Variants in MTMR7 observed in about 807,000 individuals in gnomAD.
MTMR7 encodes the protein myotubularin related protein 7.
MTMR7 carries 76 observed loss-of-function variants against 81.2 expected under a neutral mutation model. The observed-to-expected ratio is 0.94, with a 90% CI of 0.78 to 1.13. The LOEUF is 1.13. Among genes scored for constraint, MTMR7 ranks in the 50% most tolerant of loss-of-function variants. MTMR7 has a pLI of 0.00. For synonymous variants in MTMR7, 372 were observed against 289.8 expected, an observed-to-expected ratio of 1.28 and a Z score of -2.88; for missense variants, 1,044 against 820.0, an observed-to-expected ratio of 1.27 and a Z score of -3.34.
At position 17,343,848 on chromosome 8, in the gene MTMR7, C is replaced by T. The variant is rs1819475475; in HGVS notation, c.598-2351G>A. 3.9e-5 allele frequency among the ~76,000 whole-genome samples: 6 copies of T among 152,294 alleles called. 1 individual carries two copies. In the South Asian group the frequency reaches 1.2e-3, roughly 32 times the overall value. On this transcript the variant is annotated intron_variant, in intron 5 of 13. Coordinates refer to ENST00000180173, the MANE Select transcript of MTMR7 (RefSeq NM_004686.5). Reference sequence around the variant, plus strand: ...TTGTGTGCAGAACAGTAAGTAGTCTCAGTGCTTTTGTGCACCTATACATGC... The same window carrying T: ...TTGTGTGCAGAACAGTAAGTAGTCTTAGTGCTTTTGTGCACCTATACATGC...
In MTMR7 at chr8:17,355,609, G is replaced by T. The variant is rs565023342; in HGVS notation, c.468+5508C>A. Among the ~76,000 whole-genome samples, 4 of 151,800 alleles carry T rather than the reference G, an allele frequency of 2.6e-5. No individual in the cohort carries two copies. The East Asian group carries it at 7.7e-4, about 29-fold the overall frequency. ...ACAGTATGCTAAAAGACAAAACATG[G>T]TAAGAAAGATTGACAACTCAAAACT... On this transcript the variant is annotated intron_variant, in intron 4 of 13. Transcript: ENST00000180173.
chr8:17,333,133 A>T (rs1389084937), intron 6 of MTMR7, among the ~76,000 whole-genome samples: 1 of 152,188 alleles, frequency 6.6e-6, no homozygotes, highest in Non-Finnish European at 1.5e-5. Flanking sequence ...GGCTTATGTG[A>T]CATCAGCTGG....
chr8:17,341,221 G>A (rs2285285), intron 6 of MTMR7, 142 bp downstream of exon 6: 95,910 of 1,033,148 alleles, frequency 0.093, 4,747 homozygotes, highest in African/African-American at 0.12. Flanking sequence ...CCAGCAGGGT[G>A]CCCAGACACT....
intron 1 of MTMR7, among the ~76,000 whole-genome samples, chr8:17,376,284 G>C (rs1820584236): frequency 6.6e-6 from 1 of 152,040 alleles, no homozygotes; most frequent in Admixed American, 6.6e-5. Flanking sequence ...ACTTTTTGTT[G>C]CCCCATGATA....
chr8:17,322,051 G>T (rs1428804336), intron 7 of MTMR7, among the ~76,000 whole-genome samples: 1 of 152,150 alleles, frequency 6.6e-6, no homozygotes, highest in Non-Finnish European at 1.5e-5. Context: ...TGTGGGGTTG[G>T]TCTTTCTTGT....
intron 6 of MTMR7, among the ~76,000 whole-genome samples, chr8:17,337,134 G>A (rs978860127): frequency 1.3e-5 from 2 of 152,124 alleles, no homozygotes; most frequent in African/African-American, 4.8e-5. Context: ...CACTTTGGGA[G>A]GCCGAGAAGG....
chr8:17,385,649 A>C (rs1820913561), intron 1 of MTMR7, among the ~76,000 whole-genome samples: 1 of 152,156 alleles, frequency 6.6e-6, no homozygotes, highest in Non-Finnish European at 1.5e-5. Flanking sequence ...AGAACACACT[A>C]ATATAGTACT....
At chr8:17,319,424 T>A (rs1357593103) in intron 7 of MTMR7, among the ~76,000 whole-genome samples, 2 of 152,122 alleles carry the variant, frequency 1.3e-5, no homozygotes, top group Admixed American at 6.5e-5. Context: ...CTCAAACATG[T>A]CAACGCTGAA....
intron 4 of MTMR7, 24 bp from the exon 5 acceptor site, chr8:17,349,105 A>G (rs778185576): frequency 1.2e-6 from 2 of 1,608,258 alleles, no homozygotes; most frequent in Non-Finnish European, 1.7e-6. Context: ...ATACAAAGAG[A>G]TTTTTAGGCC....
In MTMR7 at chr8:17,341,419, T is replaced by C. The variant is rs1274962014; in HGVS notation, c.676A>G (p.Ile226Val). ...CLEDEQMLQA[I>V]RKANPGSDFV... ...TCACTTCCTGGATTGGCTTTCCTAATGGCCTGGAGCATCTGCTCGTCCTCT... is the reference window on the plus strand; with the variant it reads ...TCACTTCCTGGATTGGCTTTCCTAACGGCCTGGAGCATCTGCTCGTCCTCT... The change falls in exon 6 of 14, where the codon ATT becomes GTT. Residue 226 changes from isoleucine (I) to valine (V), a missense_variant. By Grantham distance (29) the Ile-to-Val change is conservative (BLOSUM62 3). Coordinates refer to ENST00000180173, the MANE Select transcript of MTMR7 (RefSeq NM_004686.5). 12 of 1,614,222 alleles carry C rather than the reference T, an allele frequency of 7.4e-6. No individual in the cohort carries two copies. The highest frequency in any genetic ancestry group is 4.5e-5 in the East Asian group (2 of 44,888).
chr8:17,399,909 G>A (rs957519707), intron 1 of MTMR7, among the ~76,000 whole-genome samples: 3 of 150,492 alleles, frequency 2.0e-5, no homozygotes, highest in Non-Finnish European at 4.4e-5. Context: ...AAACATCCAT[G>A]TATCTAAATT....
chr8:17,373,738 G>A (rs183073393), intron 1 of MTMR7, among the ~76,000 whole-genome samples: 1 of 152,250 alleles, frequency 6.6e-6, no homozygotes, highest in East Asian at 1.9e-4. Flanking sequence ...GGAGAAAAAA[G>A]TATCAGAGAA....
chr8:17,372,086 T>C (rs1352239853), intron 2 of MTMR7, among the ~76,000 whole-genome samples: 1 of 152,020 alleles, frequency 6.6e-6, no homozygotes, highest in South Asian at 2.1e-4. Flanking sequence ...AAAGAGGAGA[T>C]TAACTTTAAA....
chr8:17,330,911 G>T (rs2150529275), intron 7 of MTMR7, among the ~76,000 whole-genome samples: 1 of 152,286 alleles, frequency 6.6e-6, no homozygotes, highest in East Asian at 1.9e-4. Context: ...TTTGACCTTA[G>T]ATGTTCAGTA....
At chr8:17,378,541 C>T (rs1172569076) in intron 1 of MTMR7, among the ~76,000 whole-genome samples, 1 of 152,152 alleles carries the variant, frequency 6.6e-6, no homozygotes, top group Non-Finnish European at 1.5e-5. Flanking sequence ...CAGTTTTATA[C>T]TTAGGGAGAG....
chr8:17,353,082 T>C (rs1006794510), intron 4 of MTMR7, among the ~76,000 whole-genome samples: 1 of 152,160 alleles, frequency 6.6e-6, no homozygotes, highest in Non-Finnish European at 1.5e-5. Context: ...CAAAATGTGG[T>C]ATATCATTAC....
chr8:17,394,355 T>C (rs1291893655), intron 1 of MTMR7, among the ~76,000 whole-genome samples: 1 of 152,246 alleles, frequency 6.6e-6, no homozygotes, highest in Non-Finnish European at 1.5e-5. Context: ...TGGAATATTA[T>C]TCAGCAATAA....
At chr8:17,308,461 T>C (rs1586150012) in intron 10 of MTMR7, among the ~76,000 whole-genome samples, 2 of 152,314 alleles carry the variant, frequency 1.3e-5, no homozygotes, top group East Asian at 3.9e-4. Context: ...AGTGATCAAT[T>C]AATGCTAAAA....
In MTMR7 at chr8:17,331,138, G is replaced by T; in HGVS notation, c.865+12C>A. 1 of 1,608,546 alleles carries T rather than the reference G, an allele frequency of 6.2e-7. No individual in the cohort carries two copies. Among genetic ancestry groups the T allele is most frequent in the Non-Finnish European group, 8.5e-7 (1 of 1,178,416 alleles). On this transcript the variant is annotated intron_variant, in intron 7 of 13. Coordinates refer to ENST00000180173, the MANE Select transcript of MTMR7 (RefSeq NM_004686.5). ...ACTGCATTTTAATGCTGTGCATAAG[G>T]AAATGGTTTACCTTCCAGCATTTTC...
Sources: gnomAD v4.1 joint callset for allele counts (sites outside exome capture counted in the v4.1 genomes callset) on GRCh38, gnomAD v4.1.1 for gene constraint, MANE v1.5 for transcripts, NCBI Gene and HGNC (gene_info 2026-07-23, HGNC 2026-07-21) for gene names.